TLR6: variants seen among roughly 807,000 people sequenced by gnomAD.
The protein encoded by TLR6 is toll-like receptor 6.
Under a neutral mutation model 16.1 loss-of-function variants are expected in TLR6, and 9 were observed. That is an observed-to-expected ratio of 0.56 (90% CI 0.34 to 0.98). The LOEUF is 0.98. TLR6 is among the 50% of genes least tolerant of loss of function. TLR6 has a pLI of 0.02. For synonymous variants in TLR6, 340 were observed against 338.6 expected (o/e 1.00, Z -0.04); for missense variants, 786 against 921.0 (o/e 0.85, Z 1.90).
At chr4:38,825,820 T>G (rs1159504697) in exon 2 of TLR6, 1 of 152,306 alleles carries the variant, frequency 6.6e-6, no homozygotes, top group Non-Finnish European at 1.5e-5. Flanking sequence ...CCTTTTACCA[T>G]GTCAATAATG....
exon 2 of TLR6, chr4:38,829,270 C>A: frequency 5.0e-6 from 8 of 1,614,168 alleles, no homozygotes; most frequent in Non-Finnish European, 6.8e-6. Context: ...TGTCAGAGAC[C>A]TGAAGCTCAG....
At chr4:38,867,345 T>C in the TLR6 span, among the ~76,000 whole-genome samples, 3 of 152,216 alleles carry the variant, frequency 2.0e-5, no homozygotes, top group Non-Finnish European at 4.4e-5. Context: ...AGCTCCAAAC[T>C]GGCCTTCTGG....
At chr4:38,867,774 CT>C in the TLR6 span, 2 of 151,492 alleles carry the variant, frequency 1.3e-5, no homozygotes, top group African/African-American at 4.8e-5. Flanking sequence ...CCCGCCGGCC[CT>C]GCAGACGTGG....
intron 1 of TLR6, among the ~76,000 whole-genome samples, chr4:38,848,674 T>A (rs539129507): frequency 6.6e-6 from 1 of 152,188 alleles, no homozygotes; most frequent in African/African-American, 2.4e-5. Context: ...GAAGAAAGAG[T>A]ATCAGTGATT....
At chr4:38,835,795 A>G (rs1711882013) in intron 1 of TLR6, among the ~76,000 whole-genome samples, 1 of 152,236 alleles carries the variant, frequency 6.6e-6, no homozygotes, top group Non-Finnish European at 1.5e-5. Context: ...AATGGAATAA[A>G]ACTACAAATC....
the TLR6 span, chr4:38,867,717 A>G: frequency 6.7e-6 from 1 of 148,586 alleles, no homozygotes; most frequent in Non-Finnish European, 1.5e-5. Flanking sequence ...GGCGGGGCGC[A>G]GGCGGGGCGG....
exon 2 of TLR6, chr4:38,828,746 G>A (rs1411383624): frequency 2.5e-6 from 4 of 1,613,534 alleles, no homozygotes; most frequent in Non-Finnish European, 3.4e-6. Flanking sequence ...GGTGAGTTCT[G>A]ATAAAAATTT....
chr4:38,864,671 A>G, the TLR6 span, among the ~76,000 whole-genome samples: 1 of 152,222 alleles, frequency 6.6e-6, no homozygotes, highest in Non-Finnish European at 1.5e-5. Flanking sequence ...AAAAACAATT[A>G]TACGTGCATT....
the TLR6 span, chr4:38,867,960 C>A: frequency 3.1e-6 from 1 of 326,430 alleles, no homozygotes. Flanking sequence ...GAATCCTGCC[C>A]TCTGCGTTAG....
chr4:38,828,274 C>T (rs1229874091), exon 2 of TLR6: 3 of 1,613,584 alleles, frequency 1.9e-6, no homozygotes, highest in Non-Finnish European at 2.5e-6. Flanking sequence ...AAGGCATATC[C>T]TTCGTCATGA....
At chr4:38,845,637 C>A (rs536055079) in intron 1 of TLR6, among the ~76,000 whole-genome samples, 5 of 152,308 alleles carry the variant, frequency 3.3e-5, no homozygotes, top group Admixed American at 2.6e-4. Flanking sequence ...ACCTGGATTC[C>A]CTCCTAGAGC....
At chr4:38,829,394 T>G (rs764635502) in exon 2 of TLR6, 29 of 1,614,006 alleles carry the variant, frequency 1.8e-5, no homozygotes. Flanking sequence ...GTCGGAGAAC[T>G]GGATTCTGGT....
At chr4:38,830,438 G>A (rs5743805) in intron 1 of TLR6, among the ~76,000 whole-genome samples, 18,998 of 152,102 alleles carry the variant, frequency 0.12, 2,205 homozygotes, top group East Asian at 0.28. Context: ...AGGGAGGCCC[G>A]GCACAGTGGC....
chr4:38,847,060 A>G (rs1712559690), intron 1 of TLR6, among the ~76,000 whole-genome samples: 1 of 152,214 alleles, frequency 6.6e-6, no homozygotes, highest in Non-Finnish European at 1.5e-5. Flanking sequence ...TCTATCATTA[A>G]CAAGTCTATA....
chr4:38,826,146 A>G (rs1269622877), exon 2 of TLR6: 1 of 152,286 alleles, frequency 6.6e-6, no homozygotes, highest in Non-Finnish European at 1.5e-5. Flanking sequence ...GCTACCTTCT[A>G]CCATGCTGAG....
chr4:38,846,171 AT>A (rs1474098810), intron 1 of TLR6, among the ~76,000 whole-genome samples: 1 of 152,148 alleles, frequency 6.6e-6, no homozygotes, highest in Non-Finnish European at 1.5e-5. Context: ...GGCTATGAAA[AT>A]AGATCAACAA....
Position 38,853,600 on chromosome 4 carries a change from T to C in TLR6, c.-65+3161A>G, listed in dbSNP as rs1237520636. Among the ~76,000 whole-genome samples the C allele has an allele frequency of 2.6e-5, 4 of 152,212 alleles. No individual in the cohort carries two copies. In the East Asian group the frequency reaches 7.7e-4, roughly 29 times the overall value. ...GTGGCCGTCACAAAATAAATTATTATCATTACTATTTTCTTAAACACTTTC... is the reference window on the plus strand; with the variant it reads ...GTGGCCGTCACAAAATAAATTATTACCATTACTATTTTCTTAAACACTTTC... On this transcript the variant is annotated intron_variant, in intron 1 of 1. Coordinates refer to ENST00000436693, the Ensembl canonical transcript of TLR6.
At chr4:38,865,610 A>T in the TLR6 span, among the ~76,000 whole-genome samples, 1 of 152,180 alleles carries the variant, frequency 6.6e-6, no homozygotes, top group Non-Finnish European at 1.5e-5. Context: ...TATATGCTAC[A>T]CCAAAACACA....
chr4:38,866,098 A>C, the TLR6 span, among the ~76,000 whole-genome samples: 1 of 151,806 alleles, frequency 6.6e-6, no homozygotes, highest in Non-Finnish European at 1.5e-5. Context: ...ACTGCAGCCT[A>C]GGCCACAGAT....
Sources: gnomAD v4.1 joint callset for allele counts (sites outside exome capture counted in the v4.1 genomes callset) on GRCh38, gnomAD v4.1.1 for gene constraint, MANE v1.5 for transcripts, NCBI Gene and HGNC (gene_info 2026-07-23, HGNC 2026-07-21) for gene names.